MAP3K4: variants seen among roughly 807,000 people sequenced by gnomAD.
MAP3K4 encodes mitogen-activated protein kinase kinase kinase 4, also known as MAP three kinase 1.
MAP3K4 carries 67 observed loss-of-function variants against 185.6 expected under a neutral mutation model. That is an observed-to-expected ratio of 0.36 (90% CI 0.30 to 0.44). MAP3K4 has a LOEUF of 0.44. Ranked by LOEUF, MAP3K4 falls within the 20% of genes least tolerant of loss-of-function variation. The probability of loss-of-function intolerance (pLI) is 1.00; values close to 1 mark genes in which losing one functional copy is unlikely to be tolerated. For synonymous variants in MAP3K4, 702 were observed against 710.4 expected (o/e 0.99, Z 0.19); for missense variants, 1,551 against 1,995.1 (o/e 0.78, Z 4.24).
In MAP3K4 at chr6:161,087,671, G is replaced by C; in HGVS notation, c.2557-17G>C. Reference sequence around the variant, plus strand: ...ATGTACAGTGTTCCTTAAGATTTTGGATTATGTCTTTTGCAGGTGCAAATT... The same window carrying C: ...ATGTACAGTGTTCCTTAAGATTTTGCATTATGTCTTTTGCAGGTGCAAATT... On this transcript the variant is annotated splice_polypyrimidine_tract_variant and intron_variant, in intron 9 of 26. Transcript: ENST00000392142. This position sits in a 1 kb window ranked among gnomAD's most constrained non-coding sequence, Gnocchi z 4.9. 6.2e-7 allele frequency: 1 copy of C among 1,612,888 alleles called. No homozygotes were observed.
rs1351742251 is a variant in MAP3K4 at position 161,049,294 on chromosome 6, A to G, written c.1022A>G (p.His341Arg). The G allele has an allele frequency of 3.7e-6, 6 of 1,614,170 alleles. No homozygotes were observed. Among genetic ancestry groups the G allele is most frequent in the Non-Finnish European group, 5.1e-6 (6 of 1,180,006 alleles). The change falls in exon 3 of 27, where the codon CAT (histidine) becomes CGT (arginine). Residue 341 changes from histidine to arginine, a missense_variant. Around this residue, in one of 16 missense-constraint regions of MAP3K4, gnomAD observed 93 missense variants for 96.7 expected, o/e 0.96. Transcript: ENST00000392142. The surrounding 1 kb of genome is among the most constrained non-coding windows in gnomAD (Gnocchi z 8.4). ...AAGATTGTAGGTTACTCAACACATC[A>G]TGAGCATCTCCAACGCCAGAGGGTC... ...GTKIVGYSTH[H>R]EHLQRQRVSF...
intron 17 of MAP3K4, among the ~76,000 whole-genome samples, chr6:161,099,382 A>G (rs1354576906): frequency 6.6e-6 from 1 of 152,198 alleles, no homozygotes; most frequent in Non-Finnish European, 1.5e-5. Flanking sequence ...CAGTCATTTC[A>G]CTCATTAAAA....
In MAP3K4 at chr6:161,091,613, CT is replaced by C; in HGVS notation, c.3135+77del. On this transcript the variant is annotated intron_variant, in intron 12 of 26. Transcript: ENST00000392142. This position sits in a 1 kb window ranked among gnomAD's most constrained non-coding sequence, Gnocchi z 5.5. ...ATAACTTACAGAAAGTTTTTGGAACCTTTTACAGTAAATCTGATATTGTAAT... is the reference window on the plus strand; with the variant it reads ...ATAACTTACAGAAAGTTTTTGGAACCTTTACAGTAAATCTGATATTGTAAT... 7.6e-7 allele frequency: 1 copy of C among 1,308,854 alleles called. No homozygotes were observed. The highest frequency in any genetic ancestry group is 1.9e-4 in the Middle Eastern group (1 of 5,258). The allele number at this position is 1,308,854 out of a possible 1,614,324, so 81.1% of individuals were successfully genotyped here. A position where few individuals can be genotyped will look rare whatever the true frequency, so the allele number is the denominator to read the frequency against.
chr6:161,035,085 C>A (rs1562495048), intron 2 of MAP3K4, among the ~76,000 whole-genome samples: 1 of 151,992 alleles, frequency 6.6e-6, no homozygotes, highest in Non-Finnish European at 1.5e-5. Context: ...CGTAACTGTT[C>A]TTTTTTTGTG....
chr6:160,993,570 A>G (rs1044661544), intron 1 of MAP3K4, among the ~76,000 whole-genome samples: 9 of 152,358 alleles, frequency 5.9e-5, no homozygotes, highest in Admixed American at 3.9e-4. Context: ...TGCACAGCCC[A>G]TGTCTTTAAC....
At position 161,008,489 on chromosome 6, in the gene MAP3K4, G is replaced by A. The variant is rs186360961; in HGVS notation, c.152+16406G>A. ...TACGTATAATGGGAGCTGTATAAGC[G>A]TTGACATAATGTGGTAATAGATGAA... is the stretch of plus-strand genomic sequence containing the variant. On this transcript the variant is annotated intron_variant, in intron 1 of 26. Coordinates refer to ENST00000392142, the MANE Select transcript of MAP3K4 (RefSeq NM_005922.4). The surrounding 1 kb of genome is among the most constrained non-coding windows in gnomAD (Gnocchi z 4.1). Among the ~76,000 whole-genome samples, 11 of 152,170 alleles carry A rather than the reference G, an allele frequency of 7.2e-5. No homozygotes were observed. The East Asian group carries it at 1.5e-3, about 21-fold the overall frequency.
chr6:161,098,382 G>A lies in MAP3K4; in HGVS notation c.3629G>A (p.Gly1210Asp), dbSNP rs753366045. 7.4e-6 allele frequency: 12 copies of A among 1,613,748 alleles called. No homozygotes were observed. In the East Asian group the frequency reaches 2.7e-4, roughly 36 times the overall value. ...VAASRPSPSG[G>D]DSVLPKSISS... The stretch of plus-strand genomic sequence containing the variant: ...GCCAGTCGGCCCAGCCCCTCTGGTG[G>A]TGACTCTGTGCTGCCCAAATCCATC... Residue 1210 changes from glycine (G) to aspartate (D), a missense_variant, in exon 17 of 27, where the codon GGT (glycine) becomes GAT (aspartate). Gly to Asp is a moderately conservative substitution (Grantham distance 94). Transcript: ENST00000392142. The surrounding 1 kb of genome is among the most constrained non-coding windows in gnomAD (Gnocchi z 4.4).
chr6:161,042,303 C>G (rs1783504589), intron 2 of MAP3K4, among the ~76,000 whole-genome samples: 1 of 152,122 alleles, frequency 6.6e-6, no homozygotes, highest in South Asian at 2.1e-4. Context: ...ATTGGGAAAA[C>G]TTTCTTAATT....
chr6:161,036,509 A>G (rs769791576), intron 2 of MAP3K4, among the ~76,000 whole-genome samples: 1 of 152,176 alleles, frequency 6.6e-6, no homozygotes, highest in African/African-American at 2.4e-5. Context: ...GCTTTTTGCT[A>G]TATATGTTTA....
chr6:161,031,182 A>T (rs117911534), intron 1 of MAP3K4, among the ~76,000 whole-genome samples: 2,344 of 152,350 alleles, frequency 0.015, 32 homozygotes, highest in Non-Finnish European at 0.022. Flanking sequence ...GTATAAGGAT[A>T]AGACAGATGA....
At chr6:161,020,983 C>T (rs1583120591) in intron 1 of MAP3K4, among the ~76,000 whole-genome samples, 1 of 152,142 alleles carries the variant, frequency 6.6e-6, no homozygotes, top group East Asian at 1.9e-4. Flanking sequence ...GTGAGGAAAG[C>T]TTTAAAGTTA....
Position 161,100,261 on chromosome 6 carries a change from C to CA in MAP3K4, c.3675-1630dup, listed in dbSNP as rs1281135838. Among the ~76,000 whole-genome samples, 1 of 152,204 alleles carries CA rather than the reference C, an allele frequency of 6.6e-6. No individual in the cohort carries two copies. The highest frequency in any genetic ancestry group is 1.5e-5 in the Non-Finnish European group (1 of 68,040). ...ATACCCAAGGGCTTGTGTCTCAACA[C>CA]AGCTGTGGGTTTGTGAATGTGCCAC... On this transcript the variant is annotated intron_variant, in intron 17 of 26. Coordinates refer to ENST00000392142, the MANE Select transcript of MAP3K4 (RefSeq NM_005922.4). The surrounding 1 kb of genome is among the most constrained non-coding windows in gnomAD (Gnocchi z 5.8).
At chr6:161,065,775 A>G (rs1196213967) in intron 3 of MAP3K4, among the ~76,000 whole-genome samples, 1 of 152,064 alleles carries the variant, frequency 6.6e-6, no homozygotes, top group Non-Finnish European at 1.5e-5. Context: ...CGTCTCTACT[A>G]AAAATACAAA....
rs1785810595 is a variant in MAP3K4 at position 161,087,807 on chromosome 6, AGAT to A, written c.2679_2681del (p.Asp894del). The stretch of plus-strand genomic sequence containing the variant: ...CAGGAAAGGACTGTTCAAAAGATTC[AGAT>A]GACGTACTCATCGATGCCTATCTGC... On this transcript the variant is annotated inframe_deletion, in exon 10 of 27. Coordinates refer to ENST00000392142, the MANE Select transcript of MAP3K4 (RefSeq NM_005922.4). The surrounding 1 kb of genome is among the most constrained non-coding windows in gnomAD (Gnocchi z 4.9). 1 of 1,614,080 alleles carries A rather than the reference AGAT, an allele frequency of 6.2e-7. No homozygotes were observed. Among genetic ancestry groups the A allele is most frequent in the South Asian group, 1.1e-5 (1 of 91,078 alleles).
At chr6:161,078,087 G>A (rs1480725001) in intron 5 of MAP3K4, among the ~76,000 whole-genome samples, 1 of 152,206 alleles carries the variant, frequency 6.6e-6, no homozygotes, top group Non-Finnish European at 1.5e-5. Flanking sequence ...CTATTTTTGT[G>A]TGGAGAGGTA....
rs909775989 is a variant in MAP3K4, at chr6:161,114,627, T to C, written c.4627-496T>C. Among the ~76,000 whole-genome samples the C allele has an allele frequency of 6.6e-6, 1 of 152,248 alleles. No individual in the cohort carries two copies. Among genetic ancestry groups the C allele is most frequent in the African/African-American group, 2.4e-5 (1 of 41,466 alleles). On this transcript the variant is annotated intron_variant, in intron 25 of 26. Transcript: ENST00000392142. This position sits in a 1 kb window ranked among gnomAD's most constrained non-coding sequence, Gnocchi z 4.3. ...AATTAGAATGCCATACACACTTAGT[T>C]CCTTCCCCTGTGAATCTCATTTTTC...
Position 161,110,780 on chromosome 6 carries a change from T to C in MAP3K4, c.4396+866T>C, listed in dbSNP as rs1332176749. Among the ~76,000 whole-genome samples, 1 of 152,192 alleles carries C rather than the reference T, an allele frequency of 6.6e-6. No homozygotes were observed. The highest frequency in any genetic ancestry group is 1.9e-4 in the East Asian group (1 of 5,196). On this transcript the variant is annotated intron_variant, in intron 23 of 26. Coordinates refer to ENST00000392142, the MANE Select transcript of MAP3K4 (RefSeq NM_005922.4). The surrounding 1 kb of genome is among the most constrained non-coding windows in gnomAD (Gnocchi z 4.8). Reference sequence around the variant, plus strand: ...AATCACCCAGCATACACCGGTCTCATTGGCTGCCTGCCTGTCCGCTACCTT... The same window carrying C: ...AATCACCCAGCATACACCGGTCTCACTGGCTGCCTGCCTGTCCGCTACCTT...
At chr6:161,033,931 T>G (rs1783041798) in intron 1 of MAP3K4, among the ~76,000 whole-genome samples, 1 of 152,182 alleles carries the variant, frequency 6.6e-6, no homozygotes, top group Non-Finnish European at 1.5e-5. Context: ...CCTTCGCTGG[T>G]TTTTCCTTAA....
At chr6:161,029,258 G>C (rs149906620) in intron 1 of MAP3K4, among the ~76,000 whole-genome samples, 2 of 151,904 alleles carry the variant, frequency 1.3e-5, no homozygotes, top group South Asian at 4.2e-4. Context: ...GGTGGTGTTG[G>C]GGGGCAGGGG....
Sources: gnomAD v4.1 joint callset for allele counts (sites outside exome capture counted in the v4.1 genomes callset) on GRCh38, gnomAD v4.1.1 for gene constraint, gnomAD v4.1.1 regional missense constraint, Gnocchi (gnomAD v3.1) non-coding constraint, MANE v1.5 for transcripts, NCBI Gene and HGNC (gene_info 2026-07-23, HGNC 2026-07-21) for gene names.